The following PPME1 variants were observed in gnomAD, a reference collection of about 807,000 sequenced individuals.
PPME1 encodes the protein protein phosphatase methylesterase 1.
A neutral mutation model predicts 56.9 loss-of-function variants in PPME1; 17 were observed. The observed-to-expected ratio is 0.30, with a 90% CI of 0.20 to 0.45. PPME1 has a LOEUF of 0.45. Among genes scored for constraint, PPME1 ranks in the 20% least tolerant of loss-of-function variants. The probability of loss-of-function intolerance (pLI) is 1.00; values close to 1 mark genes in which losing one functional copy is unlikely to be tolerated. For synonymous variants in PPME1, 122 were observed against 156.2 expected (o/e 0.78, Z 1.63); for missense variants, 357 against 483.2 (o/e 0.74, Z 2.45).
At chr11:74,241,136 C>A (rs1401682991) in intron 9 of PPME1, among the ~76,000 whole-genome samples, 2 of 152,164 alleles carry the variant, frequency 1.3e-5, no homozygotes, top group African/African-American at 4.8e-5. Flanking sequence ...CATGAGAATT[C>A]ACTCCCCATT....
intron 1 of PPME1, among the ~76,000 whole-genome samples, chr11:74,194,388 G>A (rs1460080177): frequency 6.6e-6 from 1 of 151,970 alleles, no homozygotes; most frequent in Non-Finnish European, 1.5e-5. Flanking sequence ...TTCAAGTTCA[G>A]ACAGTTGGCA....
chr11:74,208,290 G>A (rs1054794945), intron 3 of PPME1, among the ~76,000 whole-genome samples: 6 of 148,386 alleles, frequency 4.0e-5, no homozygotes, highest in Non-Finnish European at 7.4e-5. Flanking sequence ...CCATGCTGGC[G>A]ACAGAGTGAG....
chr11:74,223,391 C>T (rs893760699), intron 4 of PPME1, among the ~76,000 whole-genome samples: 31 of 148,722 alleles, frequency 2.1e-4, no homozygotes, highest in Admixed American at 5.9e-4. Context: ...TGAATAATGC[C>T]GCAATAAACA....
At chr11:74,216,364 T>C (rs1036702724) in intron 3 of PPME1, among the ~76,000 whole-genome samples, 2 of 152,042 alleles carry the variant, frequency 1.3e-5, no homozygotes, top group Non-Finnish European at 1.5e-5. Context: ...TACAAACACA[T>C]AGAAAATAAA....
chr11:74,186,564 C>G (rs1857688193), intron 1 of PPME1, among the ~76,000 whole-genome samples: 1 of 152,070 alleles, frequency 6.6e-6, no homozygotes, highest in Admixed American at 6.6e-5. Flanking sequence ...AATAGCTACC[C>G]CAGAGGCTTG....
At chr11:74,200,357 TTGTGTGTGTGTG>T (rs71919163) in intron 1 of PPME1, among the ~76,000 whole-genome samples, 1,611 of 145,918 alleles carry the variant, frequency 0.011, 16 homozygotes, top group Middle Eastern at 0.031. Flanking sequence ...GTCATGTGTT[TTGTGTGTGTGTG>T]TGTGTGTGTG....
chr11:74,172,004 G>T (rs1238841870), intron 1 of PPME1, among the ~76,000 whole-genome samples: 1 of 152,146 alleles, frequency 6.6e-6, no homozygotes, highest in Non-Finnish European at 1.5e-5. Flanking sequence ...GAAAAGCTGA[G>T]GGGGGTAGAA....
chr11:74,196,832 T>C (rs1235950341), intron 1 of PPME1, among the ~76,000 whole-genome samples: 1 of 152,224 alleles, frequency 6.6e-6, no homozygotes, highest in Non-Finnish European at 1.5e-5. Flanking sequence ...TTATAAACTT[T>C]AAAGCAAAAT....
Position 74,230,227 on chromosome 11 carries a change from TTTCTC to T in PPME1, c.399-10_399-6del. The T allele has an allele frequency of 6.3e-7, 1 of 1,586,228 alleles. No homozygotes were observed. Among genetic ancestry groups the T allele is most frequent in the Non-Finnish European group, 8.6e-7 (1 of 1,169,500 alleles). On this transcript the variant is annotated splice_polypyrimidine_tract_variant and intron_variant, in intron 5 of 13. Transcript: ENST00000328257. The surrounding 1 kb of genome is among the most constrained non-coding windows in gnomAD (Gnocchi z 4.9). ...TTGTCAGAAAGCATTCTTAGATCTT[TTTCTC>T]TTCTCTTTGCAGAGACGTTGGCAAT... is the stretch of plus-strand genomic sequence containing the variant.
chr11:74,209,809 G>A (rs1858426286), intron 3 of PPME1, among the ~76,000 whole-genome samples: 2 of 152,176 alleles, frequency 1.3e-5, no homozygotes, highest in African/African-American at 4.8e-5. Flanking sequence ...GGATAATACT[G>A]TTTGAAGCTA....
intron 3 of PPME1, among the ~76,000 whole-genome samples, chr11:74,214,187 A>G (rs914233272): frequency 6.6e-6 from 1 of 152,230 alleles, no homozygotes; most frequent in African/African-American, 2.4e-5. Flanking sequence ...GAAAAATGCA[A>G]TTGACATAAT....
intron 7 of PPME1, among the ~76,000 whole-genome samples, chr11:74,234,307 A>G (rs1368082345): frequency 6.6e-6 from 1 of 152,220 alleles, no homozygotes; most frequent in Non-Finnish European, 1.5e-5. Flanking sequence ...TGAACTAGAG[A>G]TAAATTGGAG....
intron 1 of PPME1, among the ~76,000 whole-genome samples, chr11:74,201,805 C>T (rs1015415738): frequency 2.0e-5 from 3 of 152,100 alleles, no homozygotes; most frequent in African/African-American, 4.8e-5. Context: ...ATCCATGGAT[C>T]GTTAGAATCC....
At chr11:74,194,509 A>T (rs1344908835) in intron 1 of PPME1, among the ~76,000 whole-genome samples, 2 of 151,954 alleles carry the variant, frequency 1.3e-5, no homozygotes, top group Non-Finnish European at 2.9e-5. Flanking sequence ...TTGCCAGCTC[A>T]TCTATGCGTT....
chr11:74,251,110 G>A (rs1859647346), intron 12 of PPME1, 92 bp downstream of exon 12: 1 of 1,532,890 alleles, frequency 6.5e-7, no homozygotes, highest in African/African-American at 1.4e-5. Flanking sequence ...AGCCTGCATT[G>A]CCTGCAGCAG....
At chr11:74,245,132 T>C (rs1859472427) in intron 9 of PPME1, among the ~76,000 whole-genome samples, 1 of 152,210 alleles carries the variant, frequency 6.6e-6, no homozygotes, top group African/African-American at 2.4e-5. Context: ...TCTCCAATTT[T>C]GTTCTTCTTC....
At position 74,239,129 on chromosome 11, in the gene PPME1, C is replaced by G; in HGVS notation, c.711-4C>G. 2 of 1,606,506 alleles carry G rather than the reference C, an allele frequency of 1.2e-6. No individual in the cohort carries two copies. Among genetic ancestry groups the G allele is most frequent in the Non-Finnish European group, 1.7e-6 (2 of 1,177,062 alleles). ...TGTAATAGCACTTTTTTAAAAAAAC[C>G]TAGGTGTGAAGGAATTACAAGTCCA... On this transcript the variant is annotated splice_polypyrimidine_tract_variant and splice_region_variant and intron_variant, in intron 8 of 13. Coordinates refer to ENST00000328257, the MANE Select transcript of PPME1 (RefSeq NM_016147.3).
At position 74,201,888 on chromosome 11, in the gene PPME1, C is replaced by T. The variant is rs79495199; in HGVS notation, c.102-1840C>T. 3.4e-3 allele frequency among the ~76,000 whole-genome samples: 520 copies of T among 152,198 alleles called. 1 individual carries two copies. The highest frequency in any genetic ancestry group is 0.012 in the African/African-American group (492 of 41,512). On this transcript the variant is annotated intron_variant, in intron 1 of 13. Transcript: ENST00000328257. The stretch of plus-strand genomic sequence containing the variant: ...GTAGGATAGGTAGATTTGTGAGTAA[C>T]TTGTGAGTAAGTAGAATTCTAAGTT...
At chr11:74,243,121 G>C (rs545276040) in intron 9 of PPME1, among the ~76,000 whole-genome samples, 1 of 152,080 alleles carries the variant, frequency 6.6e-6, no homozygotes, top group South Asian at 2.1e-4. Context: ...AAGATTGTTA[G>C]CCAACTTTCT....
Sources: allele counts gnomAD v4.1 joint callset (sites outside exome capture counted in the v4.1 genomes callset), GRCh38; gene constraint gnomAD v4.1.1; non-coding constraint Gnocchi (gnomAD v3.1); transcripts MANE v1.5; gene names NCBI Gene and HGNC (gene_info 2026-07-23, HGNC 2026-07-21).